Variants in CR1 observed in about 807,000 individuals in gnomAD.
CR1 encodes the protein complement C3b/C4b receptor 1 (Knops blood group).
Under a neutral mutation model 187.3 loss-of-function variants are expected in CR1, and 116 were observed. That is an observed-to-expected ratio of 0.62 (90% CI 0.53 to 0.72). The LOEUF is 0.72. CR1 is among the 30% of genes least tolerant of loss of function. The pLI, the probability that CR1 is intolerant of heterozygous loss-of-function variation, is 0.00. For synonymous variants in CR1, 576 were observed against 747.1 expected, an observed-to-expected ratio of 0.77 and a Z score of 3.73; for missense variants, 1,731 against 2,110.7, an observed-to-expected ratio of 0.82 and a Z score of 3.52.
intron 4 of CR1, among the ~76,000 whole-genome samples, 182 bp from the exon 5 acceptor site, chr1:207,523,429 A>C (rs1660058663): frequency 6.6e-6 from 1 of 152,248 alleles, no homozygotes. Flanking sequence ...TATCAGTAAG[A>C]AAGGCAGGAC....
chr1:207,500,987 G>A (rs1195726859), intron 1 of CR1, among the ~76,000 whole-genome samples: 1 of 150,188 alleles, frequency 6.7e-6, no homozygotes, highest in African/African-American at 2.5e-5. Context: ...CTCTAATTAT[G>A]CTGTGTGAAG....
chr1:207,593,987 G>T (rs2102362793), intron 35 of CR1, among the ~76,000 whole-genome samples: 1 of 152,150 alleles, frequency 6.6e-6, no homozygotes, highest in Non-Finnish European at 1.5e-5. Context: ...AAATAGAAAT[G>T]CTTTTACACT....
chr1:207,577,926 G>C lies in CR1; in HGVS notation c.4659G>C (p.Lys1553Asn). The part of the protein sequence containing the change: ...YRCNLGSRGR[K>N]VFELVGEPSI... ...GCAATCTTGGAAGCAGAGGGAGAAA[G>C]GTGTTTGAGCTTGTGGGTGAGCCCT... Residue 1553 changes from lysine to asparagine, a missense_variant, in exon 29 of 47, where the codon AAG becomes AAC. Lys to Asn is a moderately conservative substitution (Grantham distance 94, BLOSUM62 0). Transcript: ENST00000367049. The C allele has an allele frequency of 6.2e-7, 1 of 1,612,428 alleles. No individual in the cohort carries two copies. Among genetic ancestry groups the C allele is most frequent in the Non-Finnish European group, 8.5e-7 (1 of 1,179,750 alleles).
rs1202634022 is a variant in CR1 at position 207,575,524 on chromosome 1, C to T, written c.4452-71C>T. Reference sequence around the variant, plus strand: ...CCTGCATTGTAATCCTTCTGGTTTGCCACATATGCATGCTGTCAGGAAGTT... The same window carrying T: ...CCTGCATTGTAATCCTTCTGGTTTGTCACATATGCATGCTGTCAGGAAGTT... On this transcript the variant is annotated intron_variant, in intron 27 of 46. Coordinates refer to ENST00000367049, the MANE Select transcript of CR1 (RefSeq NM_000651.6). The T allele has an allele frequency of 1.9e-6, 3 of 1,597,504 alleles. No homozygotes were observed. In the African/African-American group the frequency reaches 4.0e-5, roughly 21 times the overall value.
rs1316292969 is a variant in CR1, at chr1:207,611,747, G to T, written c.6366G>T (p.Gly2122=). 6.2e-7 allele frequency: 1 copy of T among 1,613,836 alleles called. No homozygotes were observed. The highest frequency in any genetic ancestry group is 8.5e-7 in the Non-Finnish European group (1 of 1,179,892). The change falls in exon 38 of 47, where the codon GGG becomes GGT. Residue 2122 remains glycine (G), a synonymous_variant. Transcript: ENST00000367049. ...GCCATCAGGACAACTTTTCACCTGGGCAGGAAGTGTTCTACAGCTGTGAGC... is the reference window on the plus strand; with the variant it reads ...GCCATCAGGACAACTTTTCACCTGGTCAGGAAGTGTTCTACAGCTGTGAGC... The part of the protein sequence containing the change: ...TLSHQDNFSP[G]QEVFYSCEPS...
Position 207,621,044 on chromosome 1 carries a change from C to T in CR1, c.7253-929C>T, listed in dbSNP as rs550460667. Among the ~76,000 whole-genome samples, 5 of 152,180 alleles carry T rather than the reference C, an allele frequency of 3.3e-5. No homozygotes were observed. In the East Asian group the frequency reaches 5.8e-4, roughly 18 times the overall value. The stretch of plus-strand genomic sequence containing the variant: ...ATCCCAGCACTTTGGGAGGCCGAGG[C>T]GGATGGATCACCTGAGGTCAGGAGT... On this transcript the variant is annotated intron_variant, in intron 43 of 46. Coordinates refer to ENST00000367049, the MANE Select transcript of CR1 (RefSeq NM_000651.6).
At chr1:207,511,774 C>G in intron 4 of CR1, 120 bp downstream of exon 4, 2 of 893,268 alleles carry the variant, frequency 2.2e-6, no homozygotes, top group South Asian at 3.4e-5. Context: ...CTGAAGACTG[C>G]GGTAATGTTC....
intron 32 of CR1, among the ~76,000 whole-genome samples, chr1:207,584,265 C>T (rs1017220352): frequency 2.0e-5 from 3 of 152,062 alleles, no homozygotes; most frequent in African/African-American, 4.8e-5. Context: ...CATATTTATC[C>T]TGTGCTTTAA....
At chr1:207,579,141 A>G (rs1213587503) in intron 29 of CR1, among the ~76,000 whole-genome samples, 1 of 152,260 alleles carries the variant, frequency 6.6e-6, no homozygotes, top group Non-Finnish European at 1.5e-5. Context: ...AAATAAAGGC[A>G]GATGTTGAGT....
intron 40 of CR1, among the ~76,000 whole-genome samples, chr1:207,615,546 A>G (rs982755147): frequency 2.0e-5 from 3 of 152,238 alleles, no homozygotes; most frequent in Admixed American, 6.5e-5. Context: ...ATAAAAGTAC[A>G]TGTTTGACAT....
At chr1:207,611,582 G>T (rs1278462671) in intron 37 of CR1, 95 bp from the exon 38 acceptor site, 17 of 1,534,226 alleles carry the variant, frequency 1.1e-5, no homozygotes, top group Non-Finnish European at 1.5e-5. Flanking sequence ...GCTGCACTCT[G>T]CAATGACGAT....
At chr1:207,613,733 A>G (rs891737516) in intron 39 of CR1, among the ~76,000 whole-genome samples, 5 of 152,150 alleles carry the variant, frequency 3.3e-5, no homozygotes, top group Admixed American at 1.3e-4. Context: ...AATCTTCGGC[A>G]TTTACAAAGT....
chr1:207,564,191 A>G lies in CR1; in HGVS notation c.3823A>G (p.Asn1275Asp). 1 of 1,589,546 alleles carries G rather than the reference A, an allele frequency of 6.3e-7. No individual in the cohort carries two copies. Among genetic ancestry groups the G allele is most frequent in the East Asian group, 2.2e-5 (1 of 44,668 alleles). The change falls in exon 23 of 47, where the codon AAT (asparagine) becomes GAT (aspartate). Residue 1275 changes from asparagine to aspartate, a missense_variant. Asn to Asp is a conservative substitution (Grantham distance 23). Transcript: ENST00000367049. ...LLNGRVLFPV[N>D]LQLGAKVDFV... ...TAATGGCCGTGTGCTATTTCCAGTAAATCTCCAGCTTGGAGCAAAAGTGGA... is the reference window on the plus strand; with the variant it reads ...TAATGGCCGTGTGCTATTTCCAGTAGATCTCCAGCTTGGAGCAAAAGTGGA...
intron 35 of CR1, among the ~76,000 whole-genome samples, chr1:207,597,855 C>T (rs79569367): frequency 0.017 from 2,557 of 152,208 alleles, 61 homozygotes; most frequent in African/African-American, 0.057. Context: ...CAAGTATCTA[C>T]GAGCAGATGA....
intron 4 of CR1, among the ~76,000 whole-genome samples, chr1:207,519,868 G>A (rs185110121): frequency 6.6e-6 from 1 of 152,278 alleles, no homozygotes; most frequent in East Asian, 1.9e-4. Flanking sequence ...AGTTCAAACA[G>A]TTGGCCACAT....
At chr1:207,603,092 A>G (rs1021211820) in intron 35 of CR1, among the ~76,000 whole-genome samples, 3 of 152,138 alleles carry the variant, frequency 2.0e-5, no homozygotes, top group African/African-American at 7.2e-5. Flanking sequence ...AATCAGTTTC[A>G]ATGACATTCT....
At chr1:207,516,752 A>G (rs1347474747) in intron 4 of CR1, among the ~76,000 whole-genome samples, 1 of 152,072 alleles carries the variant, frequency 6.6e-6, no homozygotes, top group Non-Finnish European at 1.5e-5. Context: ...TTAAAATTTC[A>G]TTCTTTAATT....
intron 35 of CR1, among the ~76,000 whole-genome samples, chr1:207,591,720 A>AC (rs1347874494): frequency 6.7e-6 from 1 of 150,102 alleles, no homozygotes; most frequent in African/African-American, 2.5e-5. Context: ...AAAGAAAAAG[A>AC]GAGAAGAATC....
intron 5 of CR1, among the ~76,000 whole-genome samples, chr1:207,524,736 T>C (rs992833624): frequency 5.9e-5 from 9 of 151,832 alleles, no homozygotes; most frequent in Non-Finnish European, 1.3e-4. Flanking sequence ...GATAACATTC[T>C]GAGACAGTAA....
Sources: gnomAD v4.1 joint callset for allele counts (sites outside exome capture counted in the v4.1 genomes callset) on GRCh38, gnomAD v4.1.1 for gene constraint, MANE v1.5 for transcripts, NCBI Gene and HGNC (gene_info 2026-07-23, HGNC 2026-07-21) for gene names.